Variants in PPFIA2 observed in about 807,000 individuals in gnomAD.
PPFIA2 encodes the protein liprin-alpha-2.
A neutral mutation model predicts 175.5 loss-of-function variants in PPFIA2; 46 were observed. The ratio of observed to expected loss-of-function variants is 0.26; its 90% CI spans 0.21 to 0.34. The LOEUF (loss-of-function observed/expected upper bound fraction) is 0.34. Ranked by LOEUF, PPFIA2 falls within the 10% of genes least tolerant of loss-of-function variation. The pLI is 1.00. For missense variants in PPFIA2, 1,179 were observed against 1,506.1 expected, an observed-to-expected ratio of 0.78 and a Z score of 3.60; for synonymous variants, 568 against 511.4, an observed-to-expected ratio of 1.11 and a Z score of -1.49.
chr12:81,420,178 G>C (rs1220444722), intron 7 of PPFIA2, among the ~76,000 whole-genome samples: 2 of 152,110 alleles, frequency 1.3e-5, no homozygotes, highest in African/African-American at 4.8e-5. Flanking sequence ...CCTTCCCATA[G>C]GTGAGGTCTT....
chr12:81,433,796 G>A (rs1465853533), intron 7 of PPFIA2, among the ~76,000 whole-genome samples: 1 of 152,108 alleles, frequency 6.6e-6, no homozygotes, highest in African/African-American at 2.4e-5. Flanking sequence ...ATAAAGGAGA[G>A]AGATGAAGTC....
At chr12:81,584,436 TG>T (rs1205963712) in intron 4 of PPFIA2, among the ~76,000 whole-genome samples, 2 of 151,830 alleles carry the variant, frequency 1.3e-5, no homozygotes, top group African/African-American at 2.4e-5. Context: ...ACCTCAGAGC[TG>T]GATCATCTTA....
chr12:81,522,075 C>T (rs2063225375), intron 4 of PPFIA2, among the ~76,000 whole-genome samples: 1 of 151,932 alleles, frequency 6.6e-6, no homozygotes, highest in African/African-American at 2.4e-5. Context: ...TCCATAATAG[C>T]TTTTTGAAAG....
intron 2 of PPFIA2, among the ~76,000 whole-genome samples, chr12:81,755,079 C>T (rs2084427132): frequency 6.6e-6 from 1 of 152,092 alleles, no homozygotes; most frequent in African/African-American, 2.4e-5. Flanking sequence ...TCAAATATTC[C>T]GCAAAACAGA....
chr12:81,339,764 TA>T (rs1241948803), intron 20 of PPFIA2, among the ~76,000 whole-genome samples: 2 of 152,120 alleles, frequency 1.3e-5, no homozygotes, highest in Admixed American at 6.6e-5. Context: ...GCTGCTCTTC[TA>T]ATCTACAGTT....
chr12:81,434,851 A>T (rs138883328), intron 7 of PPFIA2, among the ~76,000 whole-genome samples: 58 of 152,256 alleles, frequency 3.8e-4, no homozygotes, highest in African/African-American at 1.3e-3. Flanking sequence ...AGTTATTAAA[A>T]TTTCAAACAC....
At chr12:81,717,272 T>G (rs915892288) in intron 3 of PPFIA2, among the ~76,000 whole-genome samples, 3 of 137,374 alleles carry the variant, frequency 2.2e-5, no homozygotes, top group African/African-American at 7.4e-5. Context: ...TGATGTGGCA[T>G]GAAACAGTGT....
chr12:81,319,617 G>A (rs1260226500), intron 22 of PPFIA2, among the ~76,000 whole-genome samples: 6 of 151,694 alleles, frequency 4.0e-5, no homozygotes, highest in South Asian at 2.1e-4. Flanking sequence ...ATAAACCCTC[G>A]ACTAAAATAA....
intron 24 of PPFIA2, among the ~76,000 whole-genome samples, chr12:81,291,297 A>C (rs908059526): frequency 1.3e-5 from 2 of 151,912 alleles, no homozygotes; most frequent in African/African-American, 4.8e-5. Flanking sequence ...TTTATGTTTC[A>C]AATGTTCATT....
In PPFIA2 at chr12:81,375,350, C is replaced by T. The variant is rs146507924; in HGVS notation, c.1131+446G>A. 6.5e-4 allele frequency among the ~76,000 whole-genome samples: 99 copies of T among 152,192 alleles called. 1 individual carries two copies. Among genetic ancestry groups the T allele is most frequent in the African/African-American group, 2.2e-3 (91 of 41,528 alleles). Reference sequence around the variant, plus strand: ...CAGGCAACCAACCAGCTTTGGCCCACGGCTATAGTTTGCCTGTTTCTGCTC... The same window carrying T: ...CAGGCAACCAACCAGCTTTGGCCCATGGCTATAGTTTGCCTGTTTCTGCTC... On this transcript the variant is annotated intron_variant, in intron 10 of 32. Transcript: ENST00000549396.
At chr12:81,736,292 T>C (rs1027584363) in intron 3 of PPFIA2, among the ~76,000 whole-genome samples, 4 of 152,022 alleles carry the variant, frequency 2.6e-5, no homozygotes, top group Non-Finnish European at 4.4e-5. Context: ...TCTTAAGTAT[T>C]TCATTATTTT....
At chr12:81,393,181 A>G (rs1038644826) in intron 8 of PPFIA2, among the ~76,000 whole-genome samples, 4 of 152,096 alleles carry the variant, frequency 2.6e-5, no homozygotes, top group African/African-American at 9.7e-5. Flanking sequence ...TAGGTCCCAC[A>G]TTACAGCATG....
At chr12:81,445,373 T>C (rs1041689471) in intron 6 of PPFIA2, among the ~76,000 whole-genome samples, 183 bp downstream of exon 6, 2 of 152,170 alleles carry the variant, frequency 1.3e-5, no homozygotes, top group Non-Finnish European at 2.9e-5. Context: ...AAGATGTTTA[T>C]GAATATTACC....
At chr12:81,718,504 T>C (rs1189636588) in intron 3 of PPFIA2, among the ~76,000 whole-genome samples, 1 of 151,606 alleles carries the variant, frequency 6.6e-6, no homozygotes, top group East Asian at 1.9e-4. Context: ...GTTCAGCTTT[T>C]ACCCTAAGAA....
chr12:81,541,263 T>A (rs2153341909), intron 4 of PPFIA2, among the ~76,000 whole-genome samples: 1 of 152,166 alleles, frequency 6.6e-6, no homozygotes, highest in East Asian at 1.9e-4. Context: ...AGGCATTTTC[T>A]TTTTTTAATG....
chr12:81,337,525 T>G (rs1038556614), intron 21 of PPFIA2, among the ~76,000 whole-genome samples: 5 of 152,280 alleles, frequency 3.3e-5, no homozygotes, highest in Admixed American at 3.3e-4. Flanking sequence ...TTTCTAGACT[T>G]TAACTTATAT....
chr12:81,415,244 T>A (rs2044982735), intron 7 of PPFIA2, among the ~76,000 whole-genome samples: 1 of 96,532 alleles, frequency 1.0e-5, no homozygotes, highest in Non-Finnish European at 2.1e-5. Context: ...TATATATATA[T>A]ATATATATAT....
In PPFIA2 at chr12:81,445,576, G is replaced by T. The variant is rs1371906016; in HGVS notation, c.550C>A (p.His184Asn). Reference protein sequence around the residue: ...LKALKSLFEHHKALDEKVRER... With the variant: ...LKALKSLFEHNKALDEKVRER... ...TATACCTTTTCATCCAAGGCCTTGT[G>T]GTGCTCAAACAAAGATTTCAGTGCC... The change falls in exon 6 of 33, where the codon CAC (histidine) becomes AAC (asparagine). Residue 184 changes from histidine to asparagine, a missense_variant. His to Asn is a moderately conservative substitution (Grantham distance 68, BLOSUM62 1). This residue lies in a region of PPFIA2 where 49 missense variants were observed against 108.9 expected (regional missense o/e 0.45). Coordinates refer to ENST00000549396, the MANE Select transcript of PPFIA2 (RefSeq NM_003625.5). 1 of 1,613,726 alleles carries T rather than the reference G, an allele frequency of 6.2e-7. No homozygotes were observed. Among genetic ancestry groups the T allele is most frequent in the Non-Finnish European group, 8.5e-7 (1 of 1,179,784 alleles).
At chr12:81,601,371 G>A (rs2059771951) in intron 4 of PPFIA2, among the ~76,000 whole-genome samples, 2 of 151,738 alleles carry the variant, frequency 1.3e-5, no homozygotes, top group African/African-American at 2.4e-5. Context: ...GTGTTGTCCA[G>A]GTCTAAAAAT....
Sources: allele counts gnomAD v4.1 joint callset (sites outside exome capture counted in the v4.1 genomes callset), GRCh38; gene constraint gnomAD v4.1.1; regional missense constraint gnomAD v4.1.1; transcripts MANE v1.5; gene names NCBI Gene and HGNC (gene_info 2026-07-23, HGNC 2026-07-21).